The following CACNA2D3 variants were observed in gnomAD, a reference collection of about 807,000 sequenced individuals.
CACNA2D3 encodes the protein voltage-dependent calcium channel subunit alpha-2/delta-3.
Under a neutral mutation model 160.6 loss-of-function variants are expected in CACNA2D3, and 60 were observed. The ratio of observed to expected loss-of-function variants is 0.37; its 90% CI spans 0.30 to 0.46. The LOEUF is 0.46. CACNA2D3 is among the 20% of genes least tolerant of loss of function. The probability of loss-of-function intolerance (pLI) is 1.00; values close to 1 mark genes in which losing one functional copy is unlikely to be tolerated. For synonymous variants in CACNA2D3, 558 were observed against 492.9 expected, an observed-to-expected ratio of 1.13 and a Z score of -1.75; for missense variants, 1,205 against 1,365.0, an observed-to-expected ratio of 0.88 and a Z score of 1.85.
intron 2 of CACNA2D3, among the ~76,000 whole-genome samples, chr3:54,199,570 G>C (rs1701141481): frequency 6.6e-6 from 1 of 151,578 alleles, no homozygotes; most frequent in African/African-American, 2.4e-5. Context: ...ACAGGGTTTT[G>C]CCATGTTCCC....
intron 4 of CACNA2D3, among the ~76,000 whole-genome samples, chr3:54,471,083 C>T (rs1043212872): frequency 6.6e-6 from 1 of 152,172 alleles, no homozygotes; most frequent in Non-Finnish European, 1.5e-5. Context: ...ACAGAACTCT[C>T]CACCCCAAAT....
intron 27 of CACNA2D3, among the ~76,000 whole-genome samples, chr3:54,958,828 G>A (rs1429112392): frequency 6.6e-6 from 1 of 152,132 alleles, no homozygotes; most frequent in East Asian, 1.9e-4. Context: ...TATCTGCCTG[G>A]CATGGTGGCT....
At chr3:54,925,793 A>G (rs908084229) in intron 27 of CACNA2D3, among the ~76,000 whole-genome samples, 1 of 152,202 alleles carries the variant, frequency 6.6e-6, no homozygotes, top group Non-Finnish European at 1.5e-5. Flanking sequence ...TAACTATTTT[A>G]AACAACAGTA....
intron 27 of CACNA2D3, among the ~76,000 whole-genome samples, chr3:54,923,512 A>C (rs1700913317): frequency 6.6e-6 from 1 of 152,090 alleles, no homozygotes; most frequent in African/African-American, 2.4e-5. Context: ...CCCCTGCCTC[A>C]TTGTTTCTTA....
intron 5 of CACNA2D3, among the ~76,000 whole-genome samples, chr3:54,507,928 A>G (rs567315080): frequency 1.3e-5 from 2 of 152,352 alleles, no homozygotes; most frequent in Admixed American, 1.3e-4. Flanking sequence ...TGGATGGCAC[A>G]TGGTGTCCAT....
chr3:54,503,309 T>A (rs1701321770), intron 4 of CACNA2D3, among the ~76,000 whole-genome samples, 183 bp from the exon 5 acceptor site: 1 of 152,220 alleles, frequency 6.6e-6, no homozygotes, highest in Non-Finnish European at 1.5e-5. Context: ...TGGAAACTAT[T>A]TATATAATGC....
At chr3:54,441,276 A>G (rs987198430) in intron 4 of CACNA2D3, among the ~76,000 whole-genome samples, 1 of 152,194 alleles carries the variant, frequency 6.6e-6, no homozygotes, top group Non-Finnish European at 1.5e-5. Context: ...TTGGCTACAT[A>G]AATGTCTTCT....
chr3:54,467,154 G>T (rs1160986479), intron 4 of CACNA2D3, among the ~76,000 whole-genome samples: 1 of 152,218 alleles, frequency 6.6e-6, no homozygotes, highest in Non-Finnish European at 1.5e-5. Context: ...CATTGCGTCA[G>T]ATGATTTGTC....
At chr3:54,127,470 A>C (rs1699616608) in intron 2 of CACNA2D3, among the ~76,000 whole-genome samples, 1 of 152,184 alleles carries the variant, frequency 6.6e-6, no homozygotes, top group South Asian at 2.1e-4. Context: ...TGGACTTTTA[A>C]ATAACTGAAT....
At chr3:54,274,598 A>T (rs1403408669) in intron 2 of CACNA2D3, among the ~76,000 whole-genome samples, 1 of 152,256 alleles carries the variant, frequency 6.6e-6, no homozygotes, top group Non-Finnish European at 1.5e-5. Flanking sequence ...ATAGTGGCTT[A>T]AAACAGCAGC....
rs534179210 is a variant in CACNA2D3 at position 54,277,543 on chromosome 3, G to C, written c.205-42899G>C. Among the ~76,000 whole-genome samples, 549 of 152,312 alleles carry C rather than the reference G, an allele frequency of 3.6e-3. 4 individuals are homozygous for C. The highest frequency in any genetic ancestry group is 0.012 in the African/African-American group (517 of 41,570). On this transcript the variant is annotated intron_variant, in intron 2 of 37. Coordinates refer to ENST00000474759, the MANE Select transcript of CACNA2D3 (RefSeq NM_018398.3). ...TTGGTTACTGTAGCCTTGTAGTATA[G>C]TTTGAAGGCAGGAAGTGTGATACCT... is the stretch of plus-strand genomic sequence containing the variant.
At chr3:54,385,770 A>G (rs1699177073) in intron 3 of CACNA2D3, 1 of 370,940 alleles carries the variant, frequency 2.7e-6, no homozygotes. Context: ...GGCCTATTAA[A>G]CTCAGGCCTA....
At chr3:54,371,487 C>T (rs1292572989) in intron 3 of CACNA2D3, among the ~76,000 whole-genome samples, 1 of 152,104 alleles carries the variant, frequency 6.6e-6, no homozygotes, top group Non-Finnish European at 1.5e-5. Flanking sequence ...ATTTTAAGTA[C>T]ATAATTCATT....
Position 54,903,120 on chromosome 3 carries a change from T to C in CACNA2D3, c.2449+3252T>C, listed in dbSNP as rs1219806935. On this transcript the variant is annotated intron_variant, in intron 27 of 37. Transcript: ENST00000474759. The stretch of plus-strand genomic sequence containing the variant: ...TTTGTTACATAGGTAAACTGTGTTA[T>C]GGGGGCTTGTTGTACAGATTATTTT... Among the ~76,000 whole-genome samples, 4 of 152,168 alleles carry C rather than the reference T, an allele frequency of 2.6e-5. No homozygotes were observed. The South Asian group carries it at 8.3e-4, about 32-fold the overall frequency.
At chr3:54,130,227 C>A (rs761783964) in intron 2 of CACNA2D3, among the ~76,000 whole-genome samples, 1 of 152,202 alleles carries the variant, frequency 6.6e-6, no homozygotes, top group Non-Finnish European at 1.5e-5. Flanking sequence ...CTCTTTCCTG[C>A]TGGATAGCTT....
intron 2 of CACNA2D3, among the ~76,000 whole-genome samples, chr3:54,144,932 A>G (rs1487383910): frequency 6.6e-6 from 1 of 152,256 alleles, no homozygotes; most frequent in Admixed American, 6.5e-5. Flanking sequence ...TGTTTTTAAC[A>G]GAATTTAAAG....
At chr3:54,386,838 TATACCAGGAATACTGA>T in intron 4 of CACNA2D3, 64 bp downstream of exon 4, 1 of 1,408,120 alleles carries the variant, frequency 7.1e-7, no homozygotes, top group Admixed American at 2.0e-5. Context: ...AAGTACCAGG[TATACCAGGAATACTGA>T]TTTTTCAGTG....
chr3:54,697,015 G>A (rs1458263468), intron 11 of CACNA2D3, among the ~76,000 whole-genome samples: 14 of 152,072 alleles, frequency 9.2e-5, no homozygotes, highest in Non-Finnish European at 2.1e-4. Context: ...TGTGACTCAC[G>A]CCTGTAATCC....
intron 3 of CACNA2D3, 21 bp from the exon 4 acceptor site, chr3:54,386,694 G>GTTTTTTTTTTTTTTTTTTTTTTTTTT: frequency 7.1e-7 from 1 of 1,407,598 alleles, no homozygotes; most frequent in East Asian, 2.5e-5. Context: ...GCTGTCTTCT[G>GTTTTTTTTTTTTTTTTTTTTTTTTTT]TTTTTTTTTT....
Sources: gnomAD v4.1 joint callset for allele counts (sites outside exome capture counted in the v4.1 genomes callset) on GRCh38, gnomAD v4.1.1 for gene constraint, MANE v1.5 for transcripts, NCBI Gene and HGNC (gene_info 2026-07-23, HGNC 2026-07-21) for gene names.